The following MACF1 variants were observed in gnomAD, a reference collection of about 807,000 sequenced individuals.
The protein encoded by MACF1 is microtubule actin crosslinking factor 1.
In MACF1, 193 loss-of-function variants were observed where a neutral mutation model predicts 854.8. The observed-to-expected ratio is 0.23, with a 90% CI of 0.20 to 0.25. The LOEUF (loss-of-function observed/expected upper bound fraction) is 0.25, where lower values mean the gene tolerates loss of function less well. Among genes scored for constraint, MACF1 ranks in the 10% least tolerant of loss-of-function variants. MACF1 has a pLI of 1.00. For missense variants in MACF1, 7,722 were observed against 8,929.1 expected, an observed-to-expected ratio of 0.86 and a Z score of 5.45; for synonymous variants, 3,185 against 3,226.7, an observed-to-expected ratio of 0.99 and a Z score of 0.44.
intron 2 of MACF1, among the ~76,000 whole-genome samples, chr1:39,195,710 A>G (rs1285025033): frequency 6.6e-6 from 1 of 152,170 alleles, no homozygotes; most frequent in Non-Finnish European, 1.5e-5. Context: ...ATAATGAGGG[A>G]AATATTGTGA....
At chr1:39,410,917 G>A in intron 58 of MACF1, 1 of 1,614,006 alleles carries the variant, frequency 6.2e-7, no homozygotes, top group Non-Finnish European at 8.5e-7. Flanking sequence ...AGACTGCCAG[G>A]ACTTTAGATT....
chr1:39,154,744 C>T (rs887265506), intron 2 of MACF1, among the ~76,000 whole-genome samples: 1 of 151,906 alleles, frequency 6.6e-6, no homozygotes, highest in Non-Finnish European at 1.5e-5. Flanking sequence ...AACAGCCATC[C>T]TGTCACTGTA....
Position 39,262,397 on chromosome 1 carries a change from CAA to C in MACF1, c.528+4390_528+4391del, listed in dbSNP as rs56376033. ...GCCTGGGCTACACGAGACTCCATCA[CAA>C]AAAAAAAAAAAAAAAAAAAAGAATC... On this transcript the variant is annotated intron_variant, in intron 6 of 100. Coordinates refer to ENST00000564288, the MANE Select transcript of MACF1 (RefSeq NM_001394062.1). 1.3e-4 allele frequency among the ~76,000 whole-genome samples: 9 copies of C among 68,802 alleles called. No individual in the cohort carries two copies. The South Asian group carries it at 2.5e-3, about 19-fold the overall frequency. 45.1% of individuals were successfully genotyped at this position (68,802 alleles called of 152,430 possible).
intron 20 of MACF1, among the ~76,000 whole-genome samples, chr1:39,296,751 A>G (rs12118244): frequency 0.65 from 59,952 of 92,066 alleles, 19,125 homozygotes; most frequent in South Asian, 0.76. Context: ...AGAAAGAAAG[A>G]AAGGAAGGAA....
rs954100855 is a variant in MACF1, at chr1:39,283,393, G to T, written c.809-16G>T. 3.1e-6 allele frequency: 5 copies of T among 1,594,978 alleles called. No homozygotes were observed. The East Asian group carries it at 1.1e-4, about 36-fold the overall frequency. The stretch of plus-strand genomic sequence containing the variant: ...CTTTGTTCTGACTAAGAAATTTCTT[G>T]TCCATTCTCTCTCAGATGTGGATGT... On this transcript the variant is annotated splice_polypyrimidine_tract_variant and intron_variant, in intron 8 of 100. Transcript: ENST00000564288. The surrounding 1 kb of genome is among the most constrained non-coding windows in gnomAD (Gnocchi z 4.5).
chr1:39,192,944 T>C (rs1176199155), intron 2 of MACF1, among the ~76,000 whole-genome samples: 2 of 152,018 alleles, frequency 1.3e-5, no homozygotes, highest in Non-Finnish European at 2.9e-5. Flanking sequence ...ACCCCGTCTC[T>C]ACCAAAAATA....
At position 39,233,079 on chromosome 1, in the gene MACF1, G is replaced by C. The variant is rs575965194; in HGVS notation, c.171+1836G>C. On this transcript the variant is annotated intron_variant, in intron 2 of 100. Coordinates refer to ENST00000564288, the MANE Select transcript of MACF1 (RefSeq NM_001394062.1). ...GATGGAGTTTCACTCTTGTTGCCCA[G>C]GCTGGAGTGCAGTGGCACGATCTCG... 3.3e-5 allele frequency among the ~76,000 whole-genome samples: 5 copies of C among 152,144 alleles called. No homozygotes were observed. In the East Asian group the frequency reaches 9.7e-4, roughly 29 times the overall value.
At chr1:39,379,585 A>G (rs1650002113) in intron 54 of MACF1, 141 bp downstream of exon 54, 1 of 869,464 alleles carries the variant, frequency 1.2e-6, no homozygotes. Context: ...GACATTCTAA[A>G]TGATTAATAT....
intron 97 of MACF1, among the ~76,000 whole-genome samples, chr1:39,475,078 G>A (rs1025628111): frequency 3.9e-5 from 6 of 152,160 alleles, no homozygotes; most frequent in Middle Eastern, 3.2e-3. Context: ...ACCACATTGT[G>A]CTTCCTAGTC....
chr1:39,371,776 G>T (rs995972431), intron 51 of MACF1, among the ~76,000 whole-genome samples: 2 of 147,010 alleles, frequency 1.4e-5, no homozygotes, highest in African/African-American at 5.0e-5. Context: ...TATGCATGTT[G>T]TTCCCTCTTG....
chr1:39,333,843 A>G lies in MACF1; in HGVS notation c.7255A>G (p.Lys2419Glu), dbSNP rs754198569. 1.2e-6 allele frequency: 2 copies of G among 1,614,088 alleles called. No homozygotes were observed. The highest frequency in any genetic ancestry group is 2.2e-5 in the East Asian group (1 of 44,900). ...GGIIDLKRGK[K>E]VSVTLASTLG... is the part of the protein sequence containing the mutation. ...AATTATTGATCTGAAACGAGGCAAA[A>G]AAGTTTCAGTAACTTTGGCCTCAAC... The change falls in exon 37 of 101, where the codon AAA (lysine) becomes GAA (glutamate). Residue 2419 changes from lysine (K) to glutamate (E), a missense_variant. By Grantham distance (56) the Lys-to-Glu change is moderately conservative. This residue lies in a region of MACF1 where 1,531 missense variants were observed against 1,601.6 expected (regional missense o/e 0.96). Coordinates refer to ENST00000564288, the MANE Select transcript of MACF1 (RefSeq NM_001394062.1).
chr1:39,400,773 G>A (rs151151846), intron 58 of MACF1, among the ~76,000 whole-genome samples: 34 of 152,196 alleles, frequency 2.2e-4, no homozygotes, highest in Non-Finnish European at 4.1e-4. Context: ...CTCCCAAAAT[G>A]CTGGGGTTAT....
chr1:39,401,522 A>G lies in MACF1; in HGVS notation c.15816+12864A>G, dbSNP rs187372597. On this transcript the variant is annotated intron_variant, in intron 58 of 100. Coordinates refer to ENST00000564288, the MANE Select transcript of MACF1 (RefSeq NM_001394062.1). ...GCAGCTTAAAATACAGATATAATTC[A>G]TCTGTCTGCCAATCTCATACCAGAT... Among the ~76,000 whole-genome samples, 3 of 152,338 alleles carry G rather than the reference A, an allele frequency of 2.0e-5. No individual in the cohort carries two copies. In the East Asian group the frequency reaches 5.8e-4, roughly 29 times the overall value.
In MACF1 at chr1:39,232,388, C is replaced by G. The variant is rs550888563; in HGVS notation, c.171+1145C>G. Among the ~76,000 whole-genome samples, 872 of 152,250 alleles carry G rather than the reference C, an allele frequency of 5.7e-3. 8 individuals are homozygous for G. Among genetic ancestry groups the G allele is most frequent in the Non-Finnish European group, 8.0e-3 (544 of 67,998 alleles). On this transcript the variant is annotated intron_variant, in intron 2 of 100. Transcript: ENST00000564288. ...TCTCTGTAGCATTTGATACTGTCGT[C>G]TACTCCTTAAAACCCTCTCTTACAA...
intron 1 of MACF1, among the ~76,000 whole-genome samples, chr1:39,225,083 C>G (rs1483611916): frequency 6.6e-6 from 1 of 152,116 alleles, no homozygotes; most frequent in African/African-American, 2.4e-5. Flanking sequence ...ACTTGGGAGG[C>G]TGAAGCAGGA....
intron 65 of MACF1, among the ~76,000 whole-genome samples, chr1:39,430,366 A>G (rs1411988606): frequency 6.6e-6 from 1 of 151,998 alleles, no homozygotes; most frequent in African/African-American, 2.4e-5. Context: ...ATGCATAGAA[A>G]TATTGTATAG....
chr1:39,444,563 AG>A, intron 79 of MACF1, 98 bp from the exon 80 acceptor site: 1 of 1,001,956 alleles, frequency 1.0e-6, no homozygotes. Context: ...AATCAAGATG[AG>A]CCCTTCCTGG....
intron 2 of MACF1, among the ~76,000 whole-genome samples, chr1:39,152,216 G>A (rs953997682): frequency 2.6e-5 from 4 of 152,002 alleles, no homozygotes; most frequent in Non-Finnish European, 5.9e-5. Flanking sequence ...TTTGTGATCC[G>A]CCCACCTTGG....
chr1:39,473,814 G>C (rs1644823743), intron 97 of MACF1, among the ~76,000 whole-genome samples: 1 of 152,188 alleles, frequency 6.6e-6, no homozygotes, highest in South Asian at 2.1e-4. Flanking sequence ...AAATTAAGAT[G>C]ATGGTCCCTG....
Sources: gnomAD v4.1 joint callset for allele counts (sites outside exome capture counted in the v4.1 genomes callset) on GRCh38, gnomAD v4.1.1 for gene constraint, gnomAD v4.1.1 regional missense constraint, Gnocchi (gnomAD v3.1) non-coding constraint, MANE v1.5 for transcripts, NCBI Gene and HGNC (gene_info 2026-07-23, HGNC 2026-07-21) for gene names.